Variants in FANCC observed in about 807,000 individuals in gnomAD.
FANCC encodes Fanconi anemia group C protein.
A neutral mutation model predicts 71.3 loss-of-function variants in FANCC; 55 were observed. The observed-to-expected ratio is 0.77, with a 90% confidence interval of 0.62 to 0.97. The LOEUF is 0.97. Among genes scored for constraint, FANCC ranks in the 50% least tolerant of loss-of-function variants. The pLI is 0.00. For synonymous variants in FANCC, 275 were observed against 244.9 expected (o/e 1.12, Z -1.15); for missense variants, 678 against 670.9 (o/e 1.01, Z -0.12).
chr9:95,164,279 A>C (rs1830933807), intron 6 of FANCC, among the ~76,000 whole-genome samples: 1 of 152,070 alleles, frequency 6.6e-6, no homozygotes, highest in Non-Finnish European at 1.5e-5. Flanking sequence ...GTTGACCTTT[A>C]TTTCTTTTTC....
chr9:95,229,233 A>T (rs745332533), intron 4 of FANCC, among the ~76,000 whole-genome samples: 32 of 149,894 alleles, frequency 2.1e-4, no homozygotes, highest in Non-Finnish European at 5.9e-5. Context: ...GGGAGGTGGA[A>T]GTTGCAGTGA....
chr9:95,315,992 T>C (rs1471994917), intron 1 of FANCC, among the ~76,000 whole-genome samples: 1 of 152,264 alleles, frequency 6.6e-6, no homozygotes, highest in Non-Finnish European at 1.5e-5. Context: ...ATCAAGTTAA[T>C]GCTTTTTATT....
chr9:95,173,338 G>A (rs551919169), intron 4 of FANCC, among the ~76,000 whole-genome samples: 1 of 152,184 alleles, frequency 6.6e-6, no homozygotes, highest in Admixed American at 6.5e-5. Flanking sequence ...GACTTCCAGG[G>A]GTGTGTCTGC....
intron 1 of FANCC, among the ~76,000 whole-genome samples, chr9:95,301,108 GA>G (rs1437446489): frequency 1.4e-5 from 2 of 148,040 alleles, no homozygotes; most frequent in Non-Finnish European, 3.0e-5. Flanking sequence ...ACCACACAAA[GA>G]AAAAAAGAGA....
chr9:95,220,302 T>C (rs561030019), intron 4 of FANCC, among the ~76,000 whole-genome samples: 4 of 152,228 alleles, frequency 2.6e-5, no homozygotes, highest in Non-Finnish European at 4.4e-5. Context: ...TTGTGGAAGA[T>C]AGTATGGCAA....
chr9:95,307,073 C>G (rs1294165655), intron 1 of FANCC, among the ~76,000 whole-genome samples: 2 of 152,092 alleles, frequency 1.3e-5, no homozygotes, highest in Non-Finnish European at 2.9e-5. Flanking sequence ...TTTGTAGAGA[C>G]AAGGTTTCGC....
At chr9:95,176,122 C>T (rs905941907) in intron 4 of FANCC, among the ~76,000 whole-genome samples, 2 of 152,304 alleles carry the variant, frequency 1.3e-5, no homozygotes, top group South Asian at 2.1e-4. Context: ...TCACAGCCTA[C>T]GGGTAGGTAC....
At chr9:95,301,175 A>AACACAC (rs146415585) in intron 1 of FANCC, among the ~76,000 whole-genome samples, 12,488 of 145,952 alleles carry the variant, frequency 0.086, 895 homozygotes, top group African/African-American at 0.2. Flanking sequence ...TAACCATCAA[A>AACACAC]ACACACACAC....
intron 1 of FANCC, among the ~76,000 whole-genome samples, chr9:95,289,706 A>G (rs1388144338): frequency 3.9e-5 from 6 of 152,222 alleles, no homozygotes; most frequent in Non-Finnish European, 5.9e-5. Context: ...GCTGGAGTAC[A>G]GTGGTGCTAT....
At chr9:95,178,120 T>C (rs769522042) in intron 4 of FANCC, among the ~76,000 whole-genome samples, 3 of 152,166 alleles carry the variant, frequency 2.0e-5, no homozygotes, top group African/African-American at 4.8e-5. Flanking sequence ...TCTTCCAATG[T>C]AGCCCAGGAA....
chr9:95,292,794 C>T (rs1271387065), intron 1 of FANCC: 2 of 1,550,578 alleles, frequency 1.3e-6, no homozygotes, highest in African/African-American at 1.4e-5. Flanking sequence ...TCTCGTAAAA[C>T]AGCACTTTAT....
At chr9:95,238,492 C>T (rs1304239637) in intron 4 of FANCC, among the ~76,000 whole-genome samples, 1 of 152,152 alleles carries the variant, frequency 6.6e-6, no homozygotes, top group African/African-American at 2.4e-5. Flanking sequence ...CTCTTCCCAA[C>T]CAACTTCCTT....
At chr9:95,313,837 C>T (rs1835567624) in intron 1 of FANCC, among the ~76,000 whole-genome samples, 1 of 152,100 alleles carries the variant, frequency 6.6e-6, no homozygotes, top group Admixed American at 6.5e-5. Flanking sequence ...GATAAAGGAA[C>T]AAAACCACAG....
intron 1 of FANCC, chr9:95,292,457 G>C: frequency 8.0e-7 from 1 of 1,246,190 alleles, no homozygotes; most frequent in Non-Finnish European, 1.0e-6. Context: ...GGGTGCCCCC[G>C]GGACCCCGAC....
chr9:95,100,446 T>TA lies in FANCC; in HGVS notation c.*1260dup, dbSNP rs2134374747. 4.3e-6 allele frequency: 1 copy of TA among 231,486 alleles called. No homozygotes were observed. The highest frequency in any genetic ancestry group is 6.1e-5 in the East Asian group (1 of 16,376). The allele number at this position is 231,486 out of a possible 1,614,324, so 14.3% of individuals were successfully genotyped here. ...TTCTAATCCAGCAAAACTTTGCTCA[T>TA]ACCTCAAAACGGAGCCAAGACTCAG... On this transcript the variant is annotated 3_prime_UTR_variant, in exon 15 of 15. Transcript: ENST00000289081.
intron 4 of FANCC, among the ~76,000 whole-genome samples, chr9:95,173,406 T>C (rs374727698): frequency 1.3e-5 from 2 of 152,164 alleles, no homozygotes; most frequent in African/African-American, 2.4e-5. Flanking sequence ...CCCTGCCTTA[T>C]AGAAAGCAAC....
intron 10 of FANCC, among the ~76,000 whole-genome samples, chr9:95,119,368 T>C (rs1005342847): frequency 3.4e-5 from 5 of 146,170 alleles, no homozygotes; most frequent in Non-Finnish European, 7.6e-5. Context: ...TCCTTTTCTT[T>C]TTTTTTTTTT....
At chr9:95,174,529 T>TTA (rs745711193) in intron 4 of FANCC, among the ~76,000 whole-genome samples, 4 of 151,284 alleles carry the variant, frequency 2.6e-5, no homozygotes, top group African/African-American at 9.7e-5. Context: ...TATATTAACA[T>TTA]TATATATATA....
chr9:95,166,003 C>T (rs1272558695), intron 6 of FANCC, among the ~76,000 whole-genome samples: 1 of 152,020 alleles, frequency 6.6e-6, no homozygotes, highest in Non-Finnish European at 1.5e-5. Flanking sequence ...TGAATTGACA[C>T]TCTTATTATT....
Sources: allele counts gnomAD v4.1 joint callset (sites outside exome capture counted in the v4.1 genomes callset), GRCh38; gene constraint gnomAD v4.1.1; transcripts MANE v1.5; gene names NCBI Gene and HGNC (gene_info 2026-07-23, HGNC 2026-07-21).